ZSCAN1: variants seen among roughly 807,000 people sequenced by gnomAD.
ZSCAN1 encodes zinc finger and SCAN domain containing 1.
A neutral mutation model predicts 23.8 loss-of-function variants in ZSCAN1; 23 were observed. The observed-to-expected ratio is 0.97, with a 90% CI of 0.70 to 1.37. The LOEUF (loss-of-function observed/expected upper bound fraction) is 1.37. Among genes scored for constraint, ZSCAN1 ranks in the 40% most tolerant of loss-of-function variants. The pLI, the probability that ZSCAN1 is intolerant of heterozygous loss-of-function variation, is 0.00. For synonymous variants in ZSCAN1, 236 were observed against 232.3 expected (o/e 1.02, Z -0.15); for missense variants, 575 against 554.0 (o/e 1.04, Z -0.38).
In ZSCAN1 at chr19:58,037,928, C is replaced by G. The variant is rs569481076; in HGVS notation, c.92C>G (p.Pro31Arg). The G allele has an allele frequency of 5.0e-6, 8 of 1,602,218 alleles. No individual in the cohort carries two copies. The African/African-American group carries it at 5.3e-5, about 11-fold the overall frequency. Residue 31 changes from proline to arginine, a missense_variant, in exon 3 of 6, where the codon CCC becomes CGC. Pro to Arg is a moderately radical substitution (Grantham distance 103). Transcript: ENST00000282326. ...GACGCAGACCCTGGGCCAGCAAGCC[C>G]CAGGGACACCGAAGCCCAGCGTCTG... is the stretch of plus-strand genomic sequence containing the variant. ...EQDADPGPAS[P>R]RDTEAQRLRF...
rs2073876938 is a variant in ZSCAN1, at chr19:58,054,030, C to T, written c.1206C>T (p.His402=). Reference sequence around the variant, plus strand: ...ACCTCATTGACCACCAGAAGCTCCACACGGCCCACGGCCACATGTGAATGG... The same window carrying T: ...ACCTCATTGACCACCAGAAGCTCCATACGGCCCACGGCCACATGTGAATGG... The part of the protein sequence containing the change: ...MVHLIDHQKL[H]TAHGHM The change falls in exon 6 of 6, where the codon CAC becomes CAT. Residue 402 remains histidine, a synonymous_variant. Transcript: ENST00000282326. The surrounding 1 kb of genome is among the most constrained non-coding windows in gnomAD (Gnocchi z 4.2). 2 of 1,521,794 alleles carry T rather than the reference C, an allele frequency of 1.3e-6. No individual in the cohort carries two copies. Among genetic ancestry groups the T allele is most frequent in the East Asian group, 2.3e-5 (1 of 43,280 alleles). The allele number at this position is 1,521,794 out of a possible 1,614,324, so 94.3% of individuals were successfully genotyped here.
chr19:58,045,163 G>A lies in ZSCAN1; in HGVS notation c.465+4619G>A, dbSNP rs1183291181. 3.7e-6 allele frequency: 4 copies of A among 1,091,310 alleles called. 1 individual carries two copies. Among genetic ancestry groups the A allele is most frequent in the Middle Eastern group, 3.9e-4 (2 of 5,092 alleles). 67.6% of individuals were successfully genotyped at this position (1,091,310 alleles called of 1,614,324 possible). A position where few individuals can be genotyped will look rare whatever the true frequency, so the allele number is the denominator to read the frequency against. ...ATCCTCAACTGCCACACCCTGACCC[G>A]CCAGGCGCGCAGGCAGTTGCTCCGG... On this transcript the variant is annotated intron_variant, in intron 4 of 5. Coordinates refer to ENST00000282326, the MANE Select transcript of ZSCAN1 (RefSeq NM_182572.4). The surrounding 1 kb of genome is among the most constrained non-coding windows in gnomAD (Gnocchi z 4.3).
intron 1 of ZSCAN1, among the ~76,000 whole-genome samples, chr19:58,035,050 C>A (rs1197015126): frequency 6.6e-6 from 1 of 152,030 alleles, no homozygotes; most frequent in African/African-American, 2.4e-5. Flanking sequence ...AGTGCCCATG[C>A]CAGGTGAACC....
At position 58,045,258 on chromosome 19, in the gene ZSCAN1, C is replaced by G; in HGVS notation, c.465+4714C>G. ...GGTGGTGCCGTTCGTGGAGTTTCTG[C>G]TGCCTGTTGCTGTGAAACTCTTCCC... On this transcript the variant is annotated intron_variant, in intron 4 of 5. Transcript: ENST00000282326. The surrounding 1 kb of genome is among the most constrained non-coding windows in gnomAD (Gnocchi z 4.3). The G allele has an allele frequency of 1.3e-6, 1 of 794,544 alleles. No individual in the cohort carries two copies. Among genetic ancestry groups the G allele is most frequent in the Non-Finnish European group, 2.3e-6 (1 of 431,810 alleles). 49.2% of individuals were successfully genotyped at this position (794,544 alleles called of 1,614,324 possible). A position where few individuals can be genotyped will look rare whatever the true frequency, so the allele number is the denominator to read the frequency against.
intron 4 of ZSCAN1, among the ~76,000 whole-genome samples, chr19:58,043,781 C>G (rs939345266): frequency 6.6e-6 from 1 of 152,072 alleles, no homozygotes; most frequent in African/African-American, 2.4e-5. Context: ...TTCTGAGTAG[C>G]TGGGAACACA....
chr19:58,042,990 C>T (rs747687939), intron 4 of ZSCAN1, among the ~76,000 whole-genome samples: 3 of 152,258 alleles, frequency 2.0e-5, no homozygotes, highest in Admixed American at 6.5e-5. Flanking sequence ...GGCCTGGCGC[C>T]CGCGTGGAGA....
At chr19:58,052,355 C>T in intron 4 of ZSCAN1, 135 bp from the exon 5 acceptor site, 1 of 1,433,918 alleles carries the variant, frequency 7.0e-7, no homozygotes, top group Non-Finnish European at 9.5e-7. Flanking sequence ...AGCACGGGAA[C>T]AACAGGCGCG....
intron 4 of ZSCAN1, among the ~76,000 whole-genome samples, chr19:58,041,436 C>T (rs2073788941): frequency 6.6e-6 from 1 of 152,242 alleles, no homozygotes; most frequent in South Asian, 2.1e-4. Context: ...AGGCACTACA[C>T]CCAGCACAAA....
Position 58,053,693 on chromosome 19 carries a change from G to C in ZSCAN1, c.869G>C (p.Arg290Pro), listed in dbSNP as rs1486181551. The C allele has an allele frequency of 4.3e-6, 7 of 1,614,032 alleles. No homozygotes were observed. Among genetic ancestry groups the C allele is most frequent in the Non-Finnish European group, 5.9e-6 (7 of 1,180,030 alleles). The change falls in exon 6 of 6, where the codon CGG becomes CCG. Residue 290 changes from arginine to proline, a missense_variant. Coordinates refer to ENST00000282326, the MANE Select transcript of ZSCAN1 (RefSeq NM_182572.4). This position sits in a 1 kb window ranked among gnomAD's most constrained non-coding sequence, Gnocchi z 5.8. ...GTGCCGCGTGGGCCCCGAGGTGGGCGGCCCTTCCAGTGTGCCGACTGTGGG... is the reference window on the plus strand; with the variant it reads ...GTGCCGCGTGGGCCCCGAGGTGGGCCGCCCTTCCAGTGTGCCGACTGTGGG... ...SVVPRGPRGGRPFQCADCGMV... is the reference protein window; with the variant it reads ...SVVPRGPRGGPPFQCADCGMV...
intron 4 of ZSCAN1, among the ~76,000 whole-genome samples, chr19:58,041,993 T>C (rs1301143384): frequency 1.3e-5 from 2 of 152,176 alleles, no homozygotes; most frequent in Admixed American, 6.5e-5. Flanking sequence ...ACTTGTGGAA[T>C]GCTGAGAAAG....
chr19:58,038,271 T>G, intron 3 of ZSCAN1, 65 bp downstream of exon 3: 1 of 1,538,106 alleles, frequency 6.5e-7, no homozygotes, highest in Non-Finnish European at 8.7e-7. Flanking sequence ...AGGACCGAAC[T>G]GCCCTCCTTC....
At position 58,053,957 on chromosome 19, in the gene ZSCAN1, G is replaced by T. The variant is rs2073876142; in HGVS notation, c.1133G>T (p.Arg378Ile). The T allele has an allele frequency of 1.2e-6, 2 of 1,610,866 alleles. No homozygotes were observed. The highest frequency in any genetic ancestry group is 8.5e-7 in the Non-Finnish European group (1 of 1,178,276). ...CCAGTGGCCCCTCGCAGCCCCAAAA[G>T]ACCCTTCCAGTGTAGCGTCTGCGGG... ...QGPVAPRSPK[R>I]PFQCSVCGKA... The change falls in exon 6 of 6, where the codon AGA (arginine) becomes ATA (isoleucine). Residue 378 changes from arginine (R) to isoleucine (I), a missense_variant. Coordinates refer to ENST00000282326, the MANE Select transcript of ZSCAN1 (RefSeq NM_182572.4). The surrounding 1 kb of genome is among the most constrained non-coding windows in gnomAD (Gnocchi z 5.8).
At chr19:58,046,037 C>T (rs1019128610) in intron 4 of ZSCAN1, 24 of 691,914 alleles carry the variant, frequency 3.5e-5, no homozygotes, top group South Asian at 8.5e-5. Context: ...TCGGAGGTGG[C>T]GAAGGATGTT....
intron 4 of ZSCAN1, among the ~76,000 whole-genome samples, chr19:58,051,993 G>T (rs767838885): frequency 1.3e-5 from 2 of 152,250 alleles, no homozygotes; most frequent in African/African-American, 4.8e-5. Flanking sequence ...TCGCAGGTGG[G>T]ATGTGAAGTC....
chr19:58,056,132 G>A (rs558224007), downstream of ZSCAN1, among the ~76,000 whole-genome samples: 16 of 152,118 alleles, frequency 1.1e-4, no homozygotes, highest in Non-Finnish European at 2.2e-4. Context: ...CTGCCTCTAA[G>A]CAAACTCTGC....
chr19:58,043,661 T>TC (rs920123684), intron 4 of ZSCAN1, among the ~76,000 whole-genome samples: 8 of 150,938 alleles, frequency 5.3e-5, no homozygotes, highest in African/African-American at 1.9e-4. Flanking sequence ...ATTTTTTTTT[T>TC]CTTTCTTAGA....
In ZSCAN1 at chr19:58,053,864, C is replaced by T. The variant is rs375930642; in HGVS notation, c.1040C>T (p.Pro347Leu). 203 of 1,613,768 alleles carry T rather than the reference C, an allele frequency of 1.3e-4. No homozygotes were observed. The highest frequency in any genetic ancestry group is 6.4e-4 in the African/African-American group (48 of 75,056). ...GGCAAGATCCACCTGCTGGAGCCAC[C>T]GAGGAAGAAAGCCCCCCGGAGCAAG... The part of the protein sequence containing the change: ...EHGKIHLLEP[P>L]RKKAPRSKGP... The change falls in exon 6 of 6, where the codon CCG (proline) becomes CTG (leucine). Residue 347 changes from proline (P) to leucine (L), a missense_variant. Coordinates refer to ENST00000282326, the MANE Select transcript of ZSCAN1 (RefSeq NM_182572.4). This position sits in a 1 kb window ranked among gnomAD's most constrained non-coding sequence, Gnocchi z 5.8.
chr19:58,046,053 C>T (rs1054766079), intron 4 of ZSCAN1: 10 of 686,728 alleles, frequency 1.5e-5, no homozygotes, highest in Non-Finnish European at 2.4e-5. Context: ...ATGTTGAACC[C>T]GAATGTGTGG....
chr19:58,042,485 C>G (rs1457570646), intron 4 of ZSCAN1, among the ~76,000 whole-genome samples: 1 of 152,070 alleles, frequency 6.6e-6, no homozygotes, highest in Non-Finnish European at 1.5e-5. Context: ...GTCTCGATCT[C>G]CTGACCTCGT....
Sources: allele counts gnomAD v4.1 joint callset (sites outside exome capture counted in the v4.1 genomes callset), GRCh38; gene constraint gnomAD v4.1.1; non-coding constraint Gnocchi (gnomAD v3.1); transcripts MANE v1.5; gene names NCBI Gene and HGNC (gene_info 2026-07-23, HGNC 2026-07-21).